Variants in SEL1L3 observed in about 807,000 individuals in gnomAD.
The protein encoded by SEL1L3 is SEL1L family member 3.
A neutral mutation model predicts 142.8 loss-of-function variants in SEL1L3; 76 were observed. The ratio of observed to expected loss-of-function variants is 0.53; its 90% CI spans 0.44 to 0.64. The LOEUF is 0.64. SEL1L3 is among the 30% of genes least tolerant of loss of function. SEL1L3 has a pLI of 0.00. For synonymous variants in SEL1L3, 504 were observed against 519.6 expected (o/e 0.97, Z 0.41); for missense variants, 1,262 against 1,381.7 (o/e 0.91, Z 1.37).
At chr4:25,770,408 TAA>T (rs1719075079) in intron 17 of SEL1L3, 1 of 151,998 alleles carries the variant, frequency 6.6e-6, no homozygotes, top group Non-Finnish European at 1.5e-5. Flanking sequence ...AAGAGATGTC[TAA>T]AAAGGCATGT....
intron 10 of SEL1L3, 43 bp downstream of exon 10, chr4:25,804,493 AAATAT>A (rs767633288): frequency 2.8e-6 from 4 of 1,404,730 alleles, no homozygotes; most frequent in Non-Finnish European, 4.0e-6. Context: ...ATTGCTTTGC[AAATAT>A]AATGCAAGTG....
chr4:25,785,008 T>G (rs1211516067), intron 13 of SEL1L3, among the ~76,000 whole-genome samples: 1 of 152,150 alleles, frequency 6.6e-6, no homozygotes, highest in African/African-American at 2.4e-5. Flanking sequence ...CTTGAGTATC[T>G]CTTGACATAG....
chr4:25,862,850 G>A lies in SEL1L3; in HGVS notation c.-14C>T. 4 of 1,100,320 alleles carry A rather than the reference G, an allele frequency of 3.6e-6. No homozygotes were observed. The highest frequency in any genetic ancestry group is 3.3e-6 in the Non-Finnish European group (3 of 905,474). 68.2% of individuals were successfully genotyped at this position (1,100,320 alleles called of 1,614,324 possible). ...GCGCCGCTGCATGGCGAGGCCGCCCGGATCCGGGCCGGAACAGGTCACCTG... is the reference window on the plus strand; with the variant it reads ...GCGCCGCTGCATGGCGAGGCCGCCCAGATCCGGGCCGGAACAGGTCACCTG... On this transcript the variant is annotated 5_prime_UTR_variant, in exon 1 of 24. Transcript: ENST00000399878.
chr4:25,801,155 C>T (rs995589120), intron 11 of SEL1L3, among the ~76,000 whole-genome samples: 1 of 152,244 alleles, frequency 6.6e-6, no homozygotes, highest in Non-Finnish European at 1.5e-5. Flanking sequence ...ATAATCCCAG[C>T]ACTTTGGGAG....
At position 25,801,388 on chromosome 4, in the gene SEL1L3, G is replaced by A. The variant is rs148475524; in HGVS notation, c.1956+895C>T. 6.7e-4 allele frequency among the ~76,000 whole-genome samples: 102 copies of A among 152,304 alleles called. 1 individual carries two copies. The Middle Eastern group carries it at 0.01, about 15-fold the overall frequency. ...ACTGCCTTCCAGCCTGGTGGACAGAGTGAGACTCTGTCTCAAAAAAAACCA... is the reference window on the plus strand; with the variant it reads ...ACTGCCTTCCAGCCTGGTGGACAGAATGAGACTCTGTCTCAAAAAAAACCA... On this transcript the variant is annotated intron_variant, in intron 11 of 23. Transcript: ENST00000399878.
chr4:25,847,196 C>T, intron 2 of SEL1L3, 98 bp downstream of exon 2: 3 of 961,942 alleles, frequency 3.1e-6, no homozygotes, highest in Admixed American at 5.2e-5. Context: ...TCCCTGTATC[C>T]CCCTTCGCTA....
intron 23 of SEL1L3, 114 bp downstream of exon 23, chr4:25,757,420 C>T (rs867146505): frequency 2.6e-6 from 2 of 768,772 alleles, no homozygotes; most frequent in South Asian, 2.0e-5. Context: ...GCATGACCAA[C>T]AGCACCAGGA....
At chr4:25,724,526 G>A in the SEL1L3 span, among the ~76,000 whole-genome samples, 1 of 151,874 alleles carries the variant, frequency 6.6e-6, no homozygotes, top group South Asian at 2.1e-4. Flanking sequence ...CGGATCACGA[G>A]GTCAGGAAAT....
At chr4:25,763,767 G>A (rs1209239382) in intron 20 of SEL1L3, among the ~76,000 whole-genome samples, 2 of 152,144 alleles carry the variant, frequency 1.3e-5, no homozygotes, top group East Asian at 1.9e-4. Context: ...TTGAGCCTGG[G>A]GGACCAAGGC....
At chr4:25,757,911 A>G (rs1718106322) in intron 21 of SEL1L3, 121 bp from the exon 22 acceptor site, 1 of 684,798 alleles carries the variant, frequency 1.5e-6, no homozygotes. Context: ...AGCACACTCA[A>G]CTGACAAAGA....
chr4:25,739,536 C>T, the SEL1L3 span, among the ~76,000 whole-genome samples: 2 of 151,978 alleles, frequency 1.3e-5, no homozygotes, highest in South Asian at 2.1e-4. Context: ...GAAATCCCAT[C>T]GCTACTAAAA....
At chr4:25,854,894 G>A (rs2109321668) in intron 1 of SEL1L3, among the ~76,000 whole-genome samples, 1 of 152,338 alleles carries the variant, frequency 6.6e-6, no homozygotes, top group Non-Finnish European at 1.5e-5. Context: ...AATGACAGCT[G>A]GAGTACAAGA....
intron 9 of SEL1L3, among the ~76,000 whole-genome samples, chr4:25,813,627 C>T (rs1256091747): frequency 6.6e-6 from 1 of 152,208 alleles, no homozygotes; most frequent in Non-Finnish European, 1.5e-5. Context: ...TCGTGGAGCT[C>T]TGTGGCACAA....
chr4:25,775,636 C>A (rs1438550307), intron 17 of SEL1L3, among the ~76,000 whole-genome samples: 1 of 152,004 alleles, frequency 6.6e-6, no homozygotes, highest in Non-Finnish European at 1.5e-5. Flanking sequence ...GAGAGGGGTC[C>A]CTTATTTGTA....
the SEL1L3 span, among the ~76,000 whole-genome samples, chr4:25,739,799 C>T: frequency 6.7e-6 from 1 of 150,138 alleles, no homozygotes; most frequent in Admixed American, 6.6e-5. Flanking sequence ...TGTGTAGAAA[C>T]ACAAATCTGT....
intron 16 of SEL1L3, chr4:25,777,580 C>T (rs1229187531): frequency 6.3e-6 from 2 of 319,226 alleles, no homozygotes; most frequent in Non-Finnish European, 1.2e-5. Flanking sequence ...CAAAATTGAC[C>T]ATATACCAAT....
chr4:25,812,486 G>C (rs181759731), intron 9 of SEL1L3, among the ~76,000 whole-genome samples: 1 of 152,334 alleles, frequency 6.6e-6, no homozygotes, highest in East Asian at 1.9e-4. Flanking sequence ...TTGGGAGGCT[G>C]AGGCAGGGAG....
intron 1 of SEL1L3, chr4:25,861,931 G>A (rs577905803): frequency 1.3e-5 from 2 of 152,164 alleles, no homozygotes; most frequent in Admixed American, 6.5e-5. Context: ...TTGAAAAATA[G>A]GTTACTGCCC....
At chr4:25,827,717 T>C (rs1715183875) in intron 6 of SEL1L3, among the ~76,000 whole-genome samples, 1 of 152,128 alleles carries the variant, frequency 6.6e-6, no homozygotes, top group African/African-American at 2.4e-5. Flanking sequence ...CATTCACTCA[T>C]ATCAGCCTCT....
Sources: gnomAD v4.1 joint callset for allele counts (sites outside exome capture counted in the v4.1 genomes callset) on GRCh38, gnomAD v4.1.1 for gene constraint, MANE v1.5 for transcripts, NCBI Gene and HGNC (gene_info 2026-07-23, HGNC 2026-07-21) for gene names.